The following ZC3H7B variants were observed in gnomAD, a reference collection of about 807,000 sequenced individuals.
ZC3H7B encodes the protein zinc finger CCCH-type containing 7B, also known as zinc finger CCCH domain-containing protein 7B.
In ZC3H7B, 35 loss-of-function variants were observed where a neutral mutation model predicts 116.0. The ratio of observed to expected loss-of-function variants is 0.30; its 90% CI spans 0.23 to 0.40. The LOEUF is 0.40. ZC3H7B is among the 10% of genes least tolerant of loss of function. The pLI, the probability that ZC3H7B is intolerant of heterozygous loss-of-function variation, is 1.00. For missense variants in ZC3H7B, 1,011 were observed against 1,321.5 expected (o/e 0.77, Z 3.64); for synonymous variants, 502 against 545.6 (o/e 0.92, Z 1.11).
intron 7 of ZC3H7B, chr22:41,335,373 A>G (rs1951178144): frequency 6.6e-6 from 1 of 152,134 alleles, no homozygotes; most frequent in African/African-American, 2.4e-5. Flanking sequence ...AGCTCCATAG[A>G]CCTTTGTTGC....
rs927521816 is a variant in ZC3H7B, at chr22:41,312,209, G to A, written c.-6-8446G>A. ...TAGCTCGGCGTGGTGGCTCATGCCCGTAATCCCAGTACTTTGGGAGGCTGA... is the reference window on the plus strand; with the variant it reads ...TAGCTCGGCGTGGTGGCTCATGCCCATAATCCCAGTACTTTGGGAGGCTGA... On this transcript the variant is annotated intron_variant, in intron 1 of 22. Coordinates refer to ENST00000352645, the MANE Select transcript of ZC3H7B (RefSeq NM_017590.6). Among the ~76,000 whole-genome samples, 9 of 150,960 alleles carry A rather than the reference G, an allele frequency of 6.0e-5. No individual in the cohort carries two copies. The South Asian group carries it at 6.3e-4, about 11-fold the overall frequency.
intron 9 of ZC3H7B, 131 bp from the exon 10 acceptor site, chr22:41,339,685 C>A: frequency 1.2e-6 from 1 of 801,256 alleles, no homozygotes. Flanking sequence ...ATAGTGAGCC[C>A]TGCTCCCACA....
At chr22:41,336,954 G>T (rs2036456154) in intron 7 of ZC3H7B, 1 of 151,672 alleles carries the variant, frequency 6.6e-6, no homozygotes, top group Non-Finnish European at 1.5e-5. Context: ...TGACCAACAT[G>T]GAGAAACCCC....
chr22:41,329,031 CAAAAAAAA>C (rs905189346), intron 5 of ZC3H7B, among the ~76,000 whole-genome samples: 324 of 40,476 alleles, frequency 8.0e-3, no homozygotes, highest in Non-Finnish European at 0.014. Context: ...TACTAAAATA[CAAAAAAAA>C]AAAAAAAAAA....
intron 1 of ZC3H7B, among the ~76,000 whole-genome samples, chr22:41,319,131 G>C (rs1043420513): frequency 6.6e-6 from 1 of 152,202 alleles, no homozygotes; most frequent in African/African-American, 2.4e-5. Flanking sequence ...GCTGGGCACA[G>C]TGGCTCACGC....
In ZC3H7B at chr22:41,340,652, T is replaced by G. The variant is rs1335686118; in HGVS notation, c.1139-436T>G. 2.0e-5 allele frequency among the ~76,000 whole-genome samples: 3 copies of G among 152,150 alleles called. No individual in the cohort carries two copies. In the East Asian group the frequency reaches 5.8e-4, roughly 29 times the overall value. On this transcript the variant is annotated intron_variant, in intron 10 of 22. Coordinates refer to ENST00000352645, the MANE Select transcript of ZC3H7B (RefSeq NM_017590.6). ...GGCACGGAGGGGACTTCACTCAGCC[T>G]CAGGGCCAAAGGAGGCTTCCTGGAG...
intron 1 of ZC3H7B, among the ~76,000 whole-genome samples, chr22:41,316,388 C>G (rs577480628): frequency 6.7e-6 from 1 of 150,240 alleles, no homozygotes; most frequent in African/African-American, 2.5e-5. Flanking sequence ...CTCCGCCTCC[C>G]AGGTTCAAGC....
rs137954093 is a variant in ZC3H7B, at chr22:41,339,040, C to G, written c.665C>G (p.Pro222Arg). The change falls in exon 9 of 23, where the codon CCC becomes CGC. Residue 222 changes from proline (P) to arginine (R), a missense_variant. Around this residue, in one of 5 missense-constraint regions of ZC3H7B, gnomAD observed 322 missense variants for 443.9 expected, o/e 0.73. Transcript: ENST00000352645. Reference protein sequence around the residue: ...VDPRGSPALLPSTPTMPLFPH... With the variant: ...VDPRGSPALLRSTPTMPLFPH... ...CCTCGAGGCTCCCCAGCCCTTCTCC[C>G]CTCCACGCCCACGATGCCCCTGTTC... The G allele has an allele frequency of 3.1e-6, 5 of 1,606,758 alleles. No individual in the cohort carries two copies. The African/African-American group carries it at 6.7e-5, about 21-fold the overall frequency.
In ZC3H7B at chr22:41,351,367, C is replaced by T. The variant is rs567926793; in HGVS notation, c.1949-194C>T. ...TTTAATTCTTTCACTTCCAGTGAGG[C>T]TCGGAGCAGGTCTTTGTTCCCATTT... is the stretch of plus-strand genomic sequence containing the variant. On this transcript the variant is annotated intron_variant, in intron 16 of 22. Transcript: ENST00000352645. This position sits in a 1 kb window ranked among gnomAD's most constrained non-coding sequence, Gnocchi z 5.1. Among the ~76,000 whole-genome samples, 131 of 152,338 alleles carry T rather than the reference C, an allele frequency of 8.6e-4. No homozygotes were observed. Among genetic ancestry groups the T allele is most frequent in the East Asian group, 9.6e-4 (5 of 5,186 alleles).
In ZC3H7B at chr22:41,342,541, A is replaced by G. The variant is rs1313370207; in HGVS notation, c.1210A>G (p.Met404Val). 2.5e-6 allele frequency: 4 copies of G among 1,613,110 alleles called. No homozygotes were observed. The highest frequency in any genetic ancestry group is 1.7e-5 in the Admixed American group (1 of 60,000). Residue 404 changes from methionine to valine, a missense_variant, in exon 12 of 23, where the codon ATG becomes GTG. Coordinates refer to ENST00000352645, the MANE Select transcript of ZC3H7B (RefSeq NM_017590.6). Reference sequence around the variant, plus strand: ...CCTCCTGTCACAGCCAGAGCCCTGCATGCCCAACACTGCCTTGCTCATCAA... The same window carrying G: ...CCTCCTGTCACAGCCAGAGCCCTGCGTGCCCAACACTGCCTTGCTCATCAA... Reference protein sequence around the residue: ...QKPAPSPEPCMPNTALLIKNP... With the variant: ...QKPAPSPEPCVPNTALLIKNP...
chr22:41,356,935 C>T, intron 22 of ZC3H7B, 127 bp downstream of exon 22: 1 of 1,433,156 alleles, frequency 7.0e-7, no homozygotes, highest in South Asian at 1.3e-5. Context: ...GCTGTGACTG[C>T]AGCCATGGGG....
At chr22:41,344,681 C>T (rs2036563182) in intron 13 of ZC3H7B, among the ~76,000 whole-genome samples, 1 of 152,174 alleles carries the variant, frequency 6.6e-6, no homozygotes, top group Non-Finnish European at 1.5e-5. Flanking sequence ...AGAGATGGGA[C>T]AAGGCAGACT....
In ZC3H7B at chr22:41,358,745, C is replaced by A; in HGVS notation, c.*1316C>A. 1 of 155,638 alleles carries A rather than the reference C, an allele frequency of 6.4e-6. No individual in the cohort carries two copies. The highest frequency in any genetic ancestry group is 2.0e-4 in the South Asian group (1 of 4,958). The allele number at this position is 155,638 out of a possible 1,614,324, so 9.6% of individuals were successfully genotyped here. A position where few individuals can be genotyped will look rare whatever the true frequency, so the allele number is the denominator to read the frequency against. ...CCCCACTCACCAAGGCCTCGCTCGT[C>A]CCTCTCGTCTGACATGTCTGTGTGC... On this transcript the variant is annotated 3_prime_UTR_variant, in exon 23 of 23. Coordinates refer to ENST00000352645, the MANE Select transcript of ZC3H7B (RefSeq NM_017590.6).
At chr22:41,333,296 G>A (rs2036405288) in intron 7 of ZC3H7B, 2 of 152,238 alleles carry the variant, frequency 1.3e-5, no homozygotes, top group African/African-American at 2.4e-5. Context: ...AAAGTAGGCA[G>A]TTGATGATCT....
intron 14 of ZC3H7B, among the ~76,000 whole-genome samples, chr22:41,347,156 C>T (rs572841262): frequency 6.6e-6 from 1 of 152,306 alleles, no homozygotes; most frequent in South Asian, 2.1e-4. Flanking sequence ...CACCTCCCAG[C>T]ACCAGCTGCT....
rs1275925833 is a variant in ZC3H7B, at chr22:41,358,913, G to C, written c.*1484G>C. ...GAACCAGGGATTAGGCTGTAGGGGG[G>C]TGAGAAGGAGAGAAGGGACCACCCC... On this transcript the variant is annotated 3_prime_UTR_variant, in exon 23 of 23. Transcript: ENST00000352645. 6.5e-6 allele frequency: 1 copy of C among 154,758 alleles called. No homozygotes were observed. 9.6% of individuals were successfully genotyped at this position (154,758 alleles called of 1,614,324 possible). A position where few individuals can be genotyped will look rare whatever the true frequency, so the allele number is the denominator to read the frequency against.
At position 41,355,796 on chromosome 22, in the gene ZC3H7B, G is replaced by A. The variant is rs1601798776; in HGVS notation, c.2208G>A (p.Lys736=). The A allele has an allele frequency of 6.2e-7, 1 of 1,613,546 alleles. No individual in the cohort carries two copies. Among genetic ancestry groups the A allele is most frequent in the Non-Finnish European group, 8.5e-7 (1 of 1,179,978 alleles). Residue 736 remains lysine (K), a synonymous_variant, in exon 19 of 23, where the codon AAG becomes AAA. Transcript: ENST00000352645. The part of the protein sequence containing the change: ...KERRVLLVMS[K]AKRKWVSVRP... ...GGCGGGTCCTTCTGGTGATGTCCAA[G>A]GCCAAGAGGAAATGGGTGTCAGTGA...
At position 41,356,656 on chromosome 22, in the gene ZC3H7B, C is replaced by G. The variant is rs1374290568; in HGVS notation, c.2529C>G (p.His843Gln). Residue 843 changes from histidine to glutamine, a missense_variant, in exon 22 of 23, where the codon CAC becomes CAG. Coordinates refer to ENST00000352645, the MANE Select transcript of ZC3H7B (RefSeq NM_017590.6). The part of the protein sequence containing the change: ...TDYADIMMGY[H>Q]CWLCGKNSNS... ...GGCTGTGCTCCCAGATGGGCTACCA[C>G]TGCTGGCTCTGCGGCAAGAACAGCA... 1.2e-6 allele frequency: 2 copies of G among 1,613,512 alleles called. No homozygotes were observed. The highest frequency in any genetic ancestry group is 1.7e-6 in the Non-Finnish European group (2 of 1,179,984).
chr22:41,322,992 G>A (rs971723441), intron 2 of ZC3H7B, among the ~76,000 whole-genome samples: 6 of 152,242 alleles, frequency 3.9e-5, no homozygotes, highest in South Asian at 2.1e-4. Flanking sequence ...ACACGCCCTC[G>A]GTATCCATGC....
Sources: allele counts gnomAD v4.1 joint callset (sites outside exome capture counted in the v4.1 genomes callset), GRCh38; gene constraint gnomAD v4.1.1; regional missense constraint gnomAD v4.1.1; non-coding constraint Gnocchi (gnomAD v3.1); transcripts MANE v1.5; gene names NCBI Gene and HGNC (gene_info 2026-07-23, HGNC 2026-07-21).